The following ZFPM2 variants were observed in gnomAD, a reference collection of about 807,000 sequenced individuals.
The protein encoded by ZFPM2 is zinc finger protein, FOG family member 2.
In ZFPM2, 20 loss-of-function variants were observed where a neutral mutation model predicts 98.6. The ratio of observed to expected loss-of-function variants is 0.20; its 90% CI spans 0.14 to 0.29. The LOEUF is 0.29. ZFPM2 is among the 10% of genes least tolerant of loss of function. ZFPM2 has a pLI of 1.00. For missense variants in ZFPM2, 1,310 were observed against 1,388.6 expected (o/e 0.94, Z 0.90); for synonymous variants, 518 against 502.7 (o/e 1.03, Z -0.41).
intron 4 of ZFPM2, among the ~76,000 whole-genome samples, chr8:105,571,644 A>C (rs1470684): frequency 6.6e-6 from 1 of 152,052 alleles, no homozygotes; most frequent in African/African-American, 2.4e-5. Flanking sequence ...TTGTGCCAGC[A>C]TTATGAGGAC....
intron 1 of ZFPM2, among the ~76,000 whole-genome samples, chr8:105,320,973 A>C (rs549214444): frequency 6.6e-6 from 1 of 152,344 alleles, no homozygotes; most frequent in African/African-American, 2.4e-5. Flanking sequence ...TATTATTTAT[A>C]TGCATGTAAT....
At chr8:105,599,066 C>T (rs1317418952) in intron 4 of ZFPM2, among the ~76,000 whole-genome samples, 2 of 152,106 alleles carry the variant, frequency 1.3e-5, no homozygotes, top group Non-Finnish European at 2.9e-5. Context: ...GAAATCCAAA[C>T]TGTGGACCCG....
intron 3 of ZFPM2, among the ~76,000 whole-genome samples, chr8:105,559,917 T>C (rs1815092604): frequency 2.0e-5 from 3 of 152,052 alleles, no homozygotes; most frequent in Admixed American, 2.0e-4. Context: ...TTAGAAAATG[T>C]TATTACTAGG....
At chr8:105,738,124 T>C in intron 5 of ZFPM2, among the ~76,000 whole-genome samples, 1 of 151,942 alleles carries the variant, frequency 6.6e-6, no homozygotes, top group East Asian at 1.9e-4. Flanking sequence ...CACCCAGGTA[T>C]TAGCCTCGTA....
At chr8:105,490,480 G>T (rs142397345) in intron 3 of ZFPM2, among the ~76,000 whole-genome samples, 250 of 152,184 alleles carry the variant, frequency 1.6e-3, no homozygotes, top group African/African-American at 5.1e-3. Context: ...TTTGTTTCTT[G>T]CTGTAGCAGA....
chr8:105,590,217 T>C (rs1031948117), intron 4 of ZFPM2, among the ~76,000 whole-genome samples: 3 of 152,218 alleles, frequency 2.0e-5, no homozygotes, highest in African/African-American at 7.2e-5. Flanking sequence ...TTTTTATTTC[T>C]AAAGTGCCAC....
intron 3 of ZFPM2, among the ~76,000 whole-genome samples, chr8:105,513,053 A>T (rs1813848572): frequency 6.6e-6 from 1 of 152,172 alleles, no homozygotes; most frequent in Non-Finnish European, 1.5e-5. Context: ...TTTACATGAA[A>T]AGCTGCTTTC....
intron 5 of ZFPM2, among the ~76,000 whole-genome samples, chr8:105,742,881 A>G (rs1289788274): frequency 6.6e-6 from 1 of 152,126 alleles, no homozygotes; most frequent in African/African-American, 2.4e-5. Context: ...GTGAAACTCC[A>G]TCTCAGACAA....
intron 4 of ZFPM2, among the ~76,000 whole-genome samples, chr8:105,602,157 C>T (rs1430188703): frequency 7.9e-5 from 12 of 152,034 alleles, no homozygotes; most frequent in Non-Finnish European, 1.0e-4. Context: ...CTTACTGTCC[C>T]AGCATAGCAG....
At chr8:105,616,385 A>G (rs963657034) in intron 4 of ZFPM2, among the ~76,000 whole-genome samples, 3 of 152,156 alleles carry the variant, frequency 2.0e-5, no homozygotes, top group Non-Finnish European at 2.9e-5. Flanking sequence ...TTTTCTCCCC[A>G]GGAACAATCT....
intron 5 of ZFPM2, among the ~76,000 whole-genome samples, chr8:105,719,858 A>G (rs1484583276): frequency 6.6e-6 from 1 of 151,938 alleles, no homozygotes; most frequent in Admixed American, 6.6e-5. Flanking sequence ...TTTGTGGTTA[A>G]TATTTTATGA....
chr8:105,691,133 C>T (rs6998273), intron 5 of ZFPM2, among the ~76,000 whole-genome samples: 4 of 151,228 alleles, frequency 2.6e-5, no homozygotes, highest in African/African-American at 4.9e-5. Context: ...GCTTATTCCT[C>T]TTTCCTTAAT....
At chr8:105,685,381 C>G (rs1335107456) in intron 5 of ZFPM2, among the ~76,000 whole-genome samples, 1 of 152,012 alleles carries the variant, frequency 6.6e-6, no homozygotes, top group Non-Finnish European at 1.5e-5. Context: ...AAAATAAAAC[C>G]AGCAAGGGGA....
At chr8:105,721,440 A>G (rs1811660942) in intron 5 of ZFPM2, among the ~76,000 whole-genome samples, 1 of 151,964 alleles carries the variant, frequency 6.6e-6, no homozygotes, top group Admixed American at 6.6e-5. Flanking sequence ...TAATTCCACA[A>G]AAACAGAAAG....
chr8:105,555,028 G>T (rs1382374180), intron 3 of ZFPM2, among the ~76,000 whole-genome samples: 1 of 151,516 alleles, frequency 6.6e-6, no homozygotes, highest in African/African-American at 2.4e-5. Context: ...CCAAAAAGTG[G>T]GTTGATATTT....
chr8:105,353,821 G>A (rs1229326724), intron 1 of ZFPM2, among the ~76,000 whole-genome samples: 3 of 152,072 alleles, frequency 2.0e-5, no homozygotes, highest in Admixed American at 6.6e-5. Flanking sequence ...TAAAAGGACC[G>A]GAGTTTTATT....
intron 6 of ZFPM2, among the ~76,000 whole-genome samples, chr8:105,789,936 G>A (rs1813548770): frequency 6.6e-6 from 1 of 150,866 alleles, no homozygotes. Flanking sequence ...GGGGTTGTTT[G>A]TTTTTTTCTT....
chr8:105,554,556 A>G (rs1253321911), intron 3 of ZFPM2, among the ~76,000 whole-genome samples: 1 of 152,216 alleles, frequency 6.6e-6, no homozygotes, highest in Non-Finnish European at 1.5e-5. Flanking sequence ...CTGACGCTAT[A>G]GCCTTCTGCT....
At chr8:105,593,428 A>G (rs891320268) in intron 4 of ZFPM2, among the ~76,000 whole-genome samples, 1 of 152,142 alleles carries the variant, frequency 6.6e-6, no homozygotes, top group Non-Finnish European at 1.5e-5. Flanking sequence ...TGGAATTTAC[A>G]TGAAGTGTTA....
Sources: allele counts gnomAD v4.1 joint callset (sites outside exome capture counted in the v4.1 genomes callset), GRCh38; gene constraint gnomAD v4.1.1; transcripts MANE v1.5; gene names NCBI Gene and HGNC (gene_info 2026-07-23, HGNC 2026-07-21).